FHIT: variants seen among roughly 807,000 people sequenced by gnomAD.
The protein encoded by FHIT is bis(5'-adenosyl)-triphosphatase.
Under a neutral mutation model 17.9 loss-of-function variants are expected in FHIT, and 19 were observed. The ratio of observed to expected loss-of-function variants is 1.06; its 90% confidence interval spans 0.74 to 1.56. FHIT has a LOEUF of 1.56. FHIT is among the 40% of genes most tolerant of loss of function. The pLI is 0.00. For missense variants in FHIT, 248 were observed against 189.2 expected (o/e 1.31, Z -1.82); for synonymous variants, 81 against 69.7 (o/e 1.16, Z -0.81).
intron 5 of FHIT, among the ~76,000 whole-genome samples, chr3:60,288,922 A>G (rs1707854431): frequency 6.6e-6 from 1 of 152,204 alleles, no homozygotes; most frequent in Admixed American, 6.5e-5. Context: ...TGTGATTTCT[A>G]TTGGTGAGAA....
intron 5 of FHIT, among the ~76,000 whole-genome samples, chr3:60,501,037 G>GT (rs144099869): frequency 0.017 from 2,613 of 152,248 alleles, 71 homozygotes; most frequent in African/African-American, 0.06. Context: ...CTAATAGCAA[G>GT]TAACAGTCAA....
At chr3:61,150,123 T>A (rs1482712359) in intron 2 of FHIT, among the ~76,000 whole-genome samples, 1 of 136,886 alleles carries the variant, frequency 7.3e-6, no homozygotes, top group Non-Finnish European at 1.6e-5. Flanking sequence ...GATATAATGA[T>A]AAATGAGTCC....
intron 5 of FHIT, among the ~76,000 whole-genome samples, chr3:60,321,096 C>G (rs562354446): frequency 9.7e-4 from 148 of 152,264 alleles, no homozygotes; most frequent in African/African-American, 3.4e-3. Flanking sequence ...TGTGGAGGCT[C>G]AGGGACTCCC....
At chr3:60,195,848 T>C (rs1553709212) in intron 5 of FHIT, among the ~76,000 whole-genome samples, 3 of 147,362 alleles carry the variant, frequency 2.0e-5, no homozygotes, top group Non-Finnish European at 1.5e-5. Flanking sequence ...GCATACAGAA[T>C]GTTATAATGG....
chr3:61,158,698 T>G (rs2037602942), intron 2 of FHIT, among the ~76,000 whole-genome samples: 1 of 152,188 alleles, frequency 6.6e-6, no homozygotes, highest in South Asian at 2.1e-4. Context: ...TTTTACAAAA[T>G]AACAACACCA....
At chr3:60,219,282 G>T (rs1423238849) in intron 5 of FHIT, among the ~76,000 whole-genome samples, 1 of 152,022 alleles carries the variant, frequency 6.6e-6, no homozygotes, top group Non-Finnish European at 1.5e-5. Context: ...TAGGCCACTG[G>T]ACTCTTGGAA....
intron 3 of FHIT, among the ~76,000 whole-genome samples, chr3:60,948,807 A>C (rs1392442724): frequency 6.6e-6 from 1 of 152,352 alleles, no homozygotes; most frequent in East Asian, 1.9e-4. Flanking sequence ...AGTCAAGTGT[A>C]GTGATTAGCA....
At chr3:60,574,122 T>G (rs551551283) in intron 4 of FHIT, among the ~76,000 whole-genome samples, 15 of 152,156 alleles carry the variant, frequency 9.9e-5, no homozygotes, top group Non-Finnish European at 1.8e-4. Flanking sequence ...TATTATGTAC[T>G]TCTGACTATT....
At chr3:60,909,895 C>T (rs1706639768) in intron 3 of FHIT, among the ~76,000 whole-genome samples, 1 of 152,160 alleles carries the variant, frequency 6.6e-6, no homozygotes, top group Non-Finnish European at 1.5e-5. Flanking sequence ...GGTCTTTGCT[C>T]TTACCAAGGT....
intron 3 of FHIT, among the ~76,000 whole-genome samples, chr3:61,022,564 T>A (rs2032504123): frequency 2.0e-5 from 3 of 152,144 alleles, no homozygotes; most frequent in Admixed American, 2.0e-4. Context: ...CAGGCCAATA[T>A]CCCTGATGAA....
At chr3:60,811,143 C>A (rs528500367) in intron 4 of FHIT, among the ~76,000 whole-genome samples, 102 of 152,128 alleles carry the variant, frequency 6.7e-4, no homozygotes, top group Non-Finnish European at 1.3e-3. Flanking sequence ...TAAATAGAGA[C>A]TAGTTTACCC....
At chr3:60,556,650 C>A (rs1046459527) in intron 4 of FHIT, among the ~76,000 whole-genome samples, 7 of 152,228 alleles carry the variant, frequency 4.6e-5, no homozygotes, top group African/African-American at 1.7e-4. Flanking sequence ...TACAAGTGGT[C>A]ACCCAACACC....
intron 5 of FHIT, among the ~76,000 whole-genome samples, chr3:60,277,126 T>A (rs1223596916): frequency 6.6e-6 from 1 of 152,142 alleles, no homozygotes; most frequent in African/African-American, 2.4e-5. Context: ...AAGAAAGCAG[T>A]GAAAACATTT....
intron 5 of FHIT, among the ~76,000 whole-genome samples, chr3:60,034,897 T>C (rs1428409985): frequency 3.3e-5 from 5 of 152,272 alleles, no homozygotes; most frequent in Admixed American, 2.6e-4. Flanking sequence ...GTTTGTTTGA[T>C]GCAAATTAAA....
At chr3:60,457,340 C>T (rs1433156724) in intron 5 of FHIT, among the ~76,000 whole-genome samples, 1 of 152,154 alleles carries the variant, frequency 6.6e-6, no homozygotes, top group African/African-American at 2.4e-5. Flanking sequence ...AAAGGATTCC[C>T]TATTTAATAA....
intron 8 of FHIT, among the ~76,000 whole-genome samples, chr3:59,906,874 A>C (rs1011393835): frequency 1.3e-5 from 2 of 152,194 alleles, no homozygotes; most frequent in Non-Finnish European, 2.9e-5. Flanking sequence ...TTTTCATTTT[A>C]TCTCCTATTC....
chr3:60,847,682 T>C (rs1351890229), intron 3 of FHIT, among the ~76,000 whole-genome samples: 9 of 152,116 alleles, frequency 5.9e-5, no homozygotes, highest in African/African-American at 2.2e-4. Flanking sequence ...ACTGGAATCC[T>C]TTTCCGTCCC....
At chr3:60,259,301 T>A (rs1448059859) in intron 5 of FHIT, among the ~76,000 whole-genome samples, 1 of 152,138 alleles carries the variant, frequency 6.6e-6, no homozygotes, top group African/African-American at 2.4e-5. Context: ...TCAACAAATG[T>A]TGCTCAGACA....
chr3:60,154,235 T>C (rs2107341312), intron 5 of FHIT, among the ~76,000 whole-genome samples: 1 of 152,276 alleles, frequency 6.6e-6, no homozygotes, highest in African/African-American at 2.4e-5. Flanking sequence ...ATTCAAAAAA[T>C]TACAACCTCC....
Sources: gnomAD v4.1 joint callset for allele counts (sites outside exome capture counted in the v4.1 genomes callset) on GRCh38, gnomAD v4.1.1 for gene constraint, MANE v1.5 for transcripts, NCBI Gene and HGNC (gene_info 2026-07-23, HGNC 2026-07-21) for gene names.